Variants in SORCS2 observed in about 807,000 individuals in gnomAD.
SORCS2 encodes sortilin related VPS10 domain containing receptor 2.
SORCS2 carries 100 observed loss-of-function variants against 141.6 expected under a neutral mutation model. That is an observed-to-expected ratio of 0.71 (90% CI 0.60 to 0.83). The LOEUF is 0.83. Ranked by LOEUF, SORCS2 falls within the 40% of genes least tolerant of loss-of-function variation. The pLI is 0.00. For missense variants in SORCS2, 1,646 were observed against 1,560.2 expected, an observed-to-expected ratio of 1.05 and a Z score of -0.93; for synonymous variants, 789 against 676.9, an observed-to-expected ratio of 1.17 and a Z score of -2.57.
At chr4:7,738,591 G>C (rs765120550) in intron 26 of SORCS2, among the ~76,000 whole-genome samples, 6 of 152,136 alleles carry the variant, frequency 3.9e-5, no homozygotes, top group Non-Finnish European at 5.9e-5. Flanking sequence ...AGCAGAGAAC[G>C]GCACACAGGA....
intron 2 of SORCS2, among the ~76,000 whole-genome samples, chr4:7,473,635 C>T (rs978868529): frequency 1.3e-5 from 2 of 152,156 alleles, no homozygotes; most frequent in Admixed American, 6.5e-5. Context: ...GAATGCCAAG[C>T]ATAGGCGTGT....
intron 3 of SORCS2, among the ~76,000 whole-genome samples, chr4:7,591,158 G>C (rs1229535923): frequency 6.6e-6 from 1 of 152,168 alleles, no homozygotes; most frequent in Non-Finnish European, 1.5e-5. Flanking sequence ...GCTTCTTTCT[G>C]TGTCCTTCTT....
chr4:7,325,180 C>T (rs1050125925), intron 1 of SORCS2, among the ~76,000 whole-genome samples: 6 of 152,122 alleles, frequency 3.9e-5, no homozygotes, highest in African/African-American at 1.4e-4. Flanking sequence ...GTGCAGGGCA[C>T]TGGGGAGTAG....
chr4:7,573,766 T>C (rs1715548653), intron 3 of SORCS2, among the ~76,000 whole-genome samples: 1 of 152,228 alleles, frequency 6.6e-6, no homozygotes, highest in African/African-American at 2.4e-5. Flanking sequence ...CCAGAGCCCC[T>C]GCCAGGCTAC....
chr4:7,340,773 A>T (rs971613445), intron 1 of SORCS2, among the ~76,000 whole-genome samples: 4 of 148,918 alleles, frequency 2.7e-5, no homozygotes, highest in African/African-American at 9.7e-5. Context: ...CCCAGGGGGC[A>T]TTTAGTGACG....
At chr4:7,306,752 C>CGTGCAGA (rs1461679070) in intron 1 of SORCS2, among the ~76,000 whole-genome samples, 1 of 152,110 alleles carries the variant, frequency 6.6e-6, no homozygotes, top group Non-Finnish European at 1.5e-5. Context: ...TGCAGTGCAC[C>CGTGCAGA]GTGCAGAGTC....
chr4:7,611,535 C>T (rs1718406110), intron 3 of SORCS2, among the ~76,000 whole-genome samples: 1 of 152,196 alleles, frequency 6.6e-6, no homozygotes. Context: ...GGATCTGAAA[C>T]ATCACCCAAG....
chr4:7,595,943 T>C (rs568896951), intron 3 of SORCS2, among the ~76,000 whole-genome samples: 1 of 152,238 alleles, frequency 6.6e-6, no homozygotes, highest in Non-Finnish European at 1.5e-5. Flanking sequence ...CCATGGGGAA[T>C]GGGAACATGC....
chr4:7,580,972 A>G (rs1237720474), intron 3 of SORCS2, among the ~76,000 whole-genome samples: 1 of 152,082 alleles, frequency 6.6e-6, no homozygotes, highest in Non-Finnish European at 1.5e-5. Flanking sequence ...TTTTATATAC[A>G]TTTTCTAAAA....
intron 3 of SORCS2, among the ~76,000 whole-genome samples, chr4:7,572,814 C>T (rs765440540): frequency 1.3e-5 from 2 of 152,212 alleles, no homozygotes; most frequent in Admixed American, 6.5e-5. Context: ...CATTGGCTAA[C>T]ACATCTGAAG....
intron 3 of SORCS2, among the ~76,000 whole-genome samples, chr4:7,537,000 C>A (rs1712186240): frequency 6.6e-6 from 1 of 152,186 alleles, no homozygotes; most frequent in African/African-American, 2.4e-5. Context: ...CCCAGGCCTG[C>A]CAGCCCCTAG....
intron 3 of SORCS2, among the ~76,000 whole-genome samples, chr4:7,608,394 T>G (rs995832685): frequency 2.0e-5 from 3 of 152,224 alleles, no homozygotes; most frequent in Non-Finnish European, 2.9e-5. Context: ...TACCGTGCCC[T>G]GGCTTATTGA....
At chr4:7,279,479 G>A (rs1213469703) in intron 1 of SORCS2, among the ~76,000 whole-genome samples, 2 of 152,182 alleles carry the variant, frequency 1.3e-5, no homozygotes, top group Non-Finnish European at 2.9e-5. Flanking sequence ...CAATAAATGC[G>A]GTGGTCAGTT....
intron 1 of SORCS2, among the ~76,000 whole-genome samples, chr4:7,197,012 C>T (rs1282460015): frequency 6.6e-6 from 1 of 152,198 alleles, no homozygotes; most frequent in Non-Finnish European, 1.5e-5. Flanking sequence ...GGCAAAGTGC[C>T]ACAGACTATG....
chr4:7,320,647 G>A (rs900559175), intron 1 of SORCS2, among the ~76,000 whole-genome samples: 7 of 152,194 alleles, frequency 4.6e-5, no homozygotes, highest in African/African-American at 1.2e-4. Flanking sequence ...GCAGGGCCCC[G>A]TGACTCTTTG....
intron 1 of SORCS2, among the ~76,000 whole-genome samples, chr4:7,380,519 T>C (rs1722921837): frequency 6.6e-6 from 1 of 152,206 alleles, no homozygotes; most frequent in South Asian, 2.1e-4. Flanking sequence ...GAGGTAGTTC[T>C]GTTGCTGAGG....
intron 2 of SORCS2, among the ~76,000 whole-genome samples, chr4:7,450,256 T>C (rs1728352766): frequency 6.6e-6 from 1 of 152,166 alleles, no homozygotes; most frequent in Non-Finnish European, 1.5e-5. Flanking sequence ...GGTGACAGGC[T>C]CTCTGGAGTG....
chr4:7,563,592 G>C (rs1277947110), intron 3 of SORCS2, among the ~76,000 whole-genome samples: 2 of 152,162 alleles, frequency 1.3e-5, no homozygotes, highest in Non-Finnish European at 1.5e-5. Context: ...ATCTGACCCA[G>C]CTCCCTTTCT....
intron 1 of SORCS2, among the ~76,000 whole-genome samples, chr4:7,312,414 C>T (rs74482345): frequency 0.015 from 2,220 of 152,284 alleles, 26 homozygotes; most frequent in Middle Eastern, 0.068. Flanking sequence ...TTGCTCGGAT[C>T]AGGGCACAAT....
Sources: allele counts gnomAD v4.1 joint callset (sites outside exome capture counted in the v4.1 genomes callset), GRCh38; gene constraint gnomAD v4.1.1; transcripts MANE v1.5; gene names NCBI Gene and HGNC (gene_info 2026-07-23, HGNC 2026-07-21).